The following PSMC3 variants were observed in gnomAD, a reference collection of about 807,000 sequenced individuals.
PSMC3 encodes 26S proteasome regulatory subunit 6A.
A neutral mutation model predicts 52.0 loss-of-function variants in PSMC3; 11 were observed. The observed-to-expected ratio is 0.21, with a 90% CI of 0.13 to 0.35. The LOEUF (loss-of-function observed/expected upper bound fraction) is 0.35, where lower values mean the gene tolerates loss of function less well. Ranked by LOEUF, PSMC3 falls within the 10% of genes least tolerant of loss-of-function variation. PSMC3 has a pLI of 1.00. For missense variants in PSMC3, 238 were observed against 567.1 expected, an observed-to-expected ratio of 0.42 and a Z score of 5.89; for synonymous variants, 201 against 218.8, an observed-to-expected ratio of 0.92 and a Z score of 0.72.
chr11:47,422,381 G>C lies in PSMC3; in HGVS notation c.884+193C>G, dbSNP rs946010346. ...GAAAGGAACATGCTGGCAGCTGTGG[G>C]AATGAATGGCTGGGGAAACAGGGAG... On this transcript the variant is annotated intron_variant, in intron 8 of 11. Transcript: ENST00000298852. This position sits in a 1 kb window ranked among gnomAD's most constrained non-coding sequence, Gnocchi z 4.3. 6.6e-6 allele frequency among the ~76,000 whole-genome samples: 1 copy of C among 152,186 alleles called. No individual in the cohort carries two copies. The highest frequency in any genetic ancestry group is 1.5e-5 in the Non-Finnish European group (1 of 68,032).
chr11:47,425,052 A>G, intron 3 of PSMC3, 69 bp downstream of exon 3: 1 of 1,601,172 alleles, frequency 6.2e-7, no homozygotes, highest in East Asian at 2.2e-5. Flanking sequence ...CTCTTTCCCT[A>G]GTGGCCCCAC....
chr11:47,425,396 TCCA>T, intron 2 of PSMC3, 150 bp from the exon 3 acceptor site: 1 of 933,556 alleles, frequency 1.1e-6, no homozygotes, highest in Non-Finnish European at 1.6e-6. Context: ...TCTGACTGTG[TCCA>T]CATCCTGCAG....
chr11:47,419,053 A>G, intron 11 of PSMC3, 63 bp downstream of exon 11: 1 of 1,602,738 alleles, frequency 6.2e-7, no homozygotes, highest in Admixed American at 1.7e-5. Flanking sequence ...AAATGCCCCC[A>G]TCCTGTCCAG....
At chr11:47,421,249 CAAAAAAAAA>C (rs56344837) in intron 8 of PSMC3, among the ~76,000 whole-genome samples, 14 of 61,408 alleles carry the variant, frequency 2.3e-4, no homozygotes, top group South Asian at 1.9e-3. Flanking sequence ...GACTCCATCT[CAAAAAAAAA>C]AAAAAAAAAA....
At position 47,424,329 on chromosome 11, in the gene PSMC3, A is replaced by G. The variant is rs1001778455; in HGVS notation, c.453+100T>C. On this transcript the variant is annotated intron_variant, in intron 5 of 11. Coordinates refer to ENST00000298852, the MANE Select transcript of PSMC3 (RefSeq NM_002804.5). This position sits in a 1 kb window ranked among gnomAD's most constrained non-coding sequence, Gnocchi z 4.8. ...AGTAGACAGAATCCCAGACTCTCGG[A>G]GCTGTTCTGCCAAGATTCAGAGCCA... 1.9e-6 allele frequency: 3 copies of G among 1,557,710 alleles called. No individual in the cohort carries two copies. The Admixed American group carries it at 5.1e-5, about 26-fold the overall frequency.
At chr11:47,419,282 C>T in intron 10 of PSMC3, 85 bp from the exon 11 acceptor site, 1 of 1,436,612 alleles carries the variant, frequency 7.0e-7, no homozygotes, top group Admixed American at 1.7e-5. Context: ...CCCCGTCAAG[C>T]AACAAAGTCA....
In PSMC3 at chr11:47,422,740, T is replaced by C; in HGVS notation, c.736-18A>G. ...AAGGTGGCCTGGCAGGAAAAGGTGGTAGAGTCAGGTCAAAGGCAGACCCTT... is the reference window on the plus strand; with the variant it reads ...AAGGTGGCCTGGCAGGAAAAGGTGGCAGAGTCAGGTCAAAGGCAGACCCTT... On this transcript the variant is annotated intron_variant, in intron 7 of 11. Transcript: ENST00000298852. This position sits in a 1 kb window ranked among gnomAD's most constrained non-coding sequence, Gnocchi z 4.3. The C allele has an allele frequency of 6.2e-7, 1 of 1,614,008 alleles. No homozygotes were observed. Among genetic ancestry groups the C allele is most frequent in the East Asian group, 2.2e-5 (1 of 44,866 alleles).
Position 47,426,208 on chromosome 11 carries a change from G to A in PSMC3, c.72C>T (p.Ala24=), listed in dbSNP as rs546170182. 3.3e-5 allele frequency: 51 copies of A among 1,558,536 alleles called. 1 individual carries two copies. In the South Asian group the frequency reaches 5.3e-4, roughly 16 times the overall value. ...CGCCAGCTCGCCCGGTGCCCACCTC[G>A]GCCTCATCCCACACGGTCGCCATCT... The part of the protein sequence containing the change: ...QEKMATVWDE[A]EQDGIGEEVL... Residue 24 remains alanine, a synonymous_variant, in exon 1 of 12, where the codon GCC becomes GCT. Coordinates refer to ENST00000298852, the MANE Select transcript of PSMC3 (RefSeq NM_002804.5).
At chr11:47,420,552 C>T (rs1393076824) in intron 9 of PSMC3, 79 bp downstream of exon 9, 13 of 1,505,276 alleles carry the variant, frequency 8.6e-6, no homozygotes, top group Non-Finnish European at 1.2e-5. Flanking sequence ...CATTCCAGCT[C>T]CACCACTGGC....
chr11:47,421,253 A>G (rs1447155436), intron 8 of PSMC3, among the ~76,000 whole-genome samples: 1 of 137,054 alleles, frequency 7.3e-6, no homozygotes, highest in Non-Finnish European at 1.6e-5. Context: ...CCATCTCAAA[A>G]AAAAAAAAAA....
chr11:47,425,172 C>T lies in PSMC3; in HGVS notation c.234G>A (p.Glu78=), dbSNP rs1388421059. The T allele has an allele frequency of 3.7e-6, 6 of 1,614,070 alleles. No homozygotes were observed. The highest frequency in any genetic ancestry group is 5.1e-6 in the Non-Finnish European group (6 of 1,180,042). Residue 78 remains glutamate, a synonymous_variant, in exon 3 of 12, where the codon GAG becomes GAA. Coordinates refer to ENST00000298852, the MANE Select transcript of PSMC3 (RefSeq NM_002804.5). Reference sequence around the variant, plus strand: ...GCAGGGTCTTGTTCACTTTGATTTTCTCACTGTTCTCTTTTATCTTGTCCT... The same window carrying T: ...GCAGGGTCTTGTTCACTTTGATTTTTTCACTGTTCTCTTTTATCTTGTCCT... ...AMKDKIKENS[E]KIKVNKTLPY...
chr11:47,426,429 G>C lies in PSMC3; in HGVS notation c.-150C>G, dbSNP rs2096046642. 7.9e-6 allele frequency: 5 copies of C among 631,828 alleles called. No homozygotes were observed. In the Admixed American group the frequency reaches 1.1e-4, roughly 14 times the overall value. The allele number at this position is 631,828 out of a possible 1,614,324, so 39.1% of individuals were successfully genotyped here. A position where few individuals can be genotyped will look rare whatever the true frequency, so the allele number is the denominator to read the frequency against. On this transcript the variant is annotated 5_prime_UTR_variant, in exon 1 of 12. Transcript: ENST00000298852. The stretch of plus-strand genomic sequence containing the variant: ...CGACCAGCTCCGGCCGTGCTGCGGA[G>C]CAGCGAATCTGCCTCTCCGATTCCA...
At chr11:47,419,074 A>G (rs779843441) in intron 11 of PSMC3, 42 bp downstream of exon 11, 2 of 1,612,278 alleles carry the variant, frequency 1.2e-6, no homozygotes, top group South Asian at 1.1e-5. Flanking sequence ...GGAGGGGGCA[A>G]GAAGGCACAA....
chr11:47,422,757 C>A lies in PSMC3; in HGVS notation c.736-35G>T. 6.2e-7 allele frequency: 1 copy of A among 1,612,954 alleles called. No homozygotes were observed. The highest frequency in any genetic ancestry group is 8.5e-7 in the Non-Finnish European group (1 of 1,179,224). ...AAAGGTGGTAGAGTCAGGTCAAAGGCAGACCCTTTGAGCCCATCTGGTAGA... is the reference window on the plus strand; with the variant it reads ...AAAGGTGGTAGAGTCAGGTCAAAGGAAGACCCTTTGAGCCCATCTGGTAGA... On this transcript the variant is annotated intron_variant, in intron 7 of 11. Transcript: ENST00000298852. The surrounding 1 kb of genome is among the most constrained non-coding windows in gnomAD (Gnocchi z 4.3).
chr11:47,420,642 T>G lies in PSMC3; in HGVS notation c.970A>C (p.Thr324Pro). Residue 324 changes from threonine (T) to proline (P), a missense_variant, in exon 9 of 12, where the codon ACC (threonine) becomes CCC (proline). Transcript: ENST00000298852. ...GTGCTAATACTCACCTTAACTTGGG[T>G]GTTGGGCTGGAAGCCATCCAGCTGG... Reference protein sequence around the residue: ...LNQLDGFQPNTQVKVIAATNR... With the variant: ...LNQLDGFQPNPQVKVIAATNR... 1 of 1,552,396 alleles carries G rather than the reference T, an allele frequency of 6.4e-7. No homozygotes were observed. The highest frequency in any genetic ancestry group is 8.7e-7 in the Non-Finnish European group (1 of 1,147,272).
chr11:47,424,829 C>G lies in PSMC3; in HGVS notation c.286-118G>C. 1 of 970,080 alleles carries G rather than the reference C, an allele frequency of 1.0e-6. No individual in the cohort carries two copies. The highest frequency in any genetic ancestry group is 1.6e-6 in the Non-Finnish European group (1 of 628,298). 60.1% of individuals were successfully genotyped at this position (970,080 alleles called of 1,614,324 possible). A position where few individuals can be genotyped will look rare whatever the true frequency, so the allele number is the denominator to read the frequency against. ...CCTCCCTCCTCCAATAGCCCTGAGC[C>G]CACCAAACGTGGGTGCCCCTGCTAA... On this transcript the variant is annotated intron_variant, in intron 3 of 11. Transcript: ENST00000298852. The surrounding 1 kb of genome is among the most constrained non-coding windows in gnomAD (Gnocchi z 4.8).
chr11:47,423,953 G>A (rs1422303180), intron 6 of PSMC3, 93 bp downstream of exon 6: 7 of 1,562,032 alleles, frequency 4.5e-6, no homozygotes, highest in Non-Finnish European at 6.1e-6. Context: ...TTGCTATGAG[G>A]ATGAAAGACA....
Position 47,424,552 on chromosome 11 carries a change from G to A in PSMC3, c.390+55C>T, listed in dbSNP as rs1326386948. 1.2e-6 allele frequency: 2 copies of A among 1,605,328 alleles called. No homozygotes were observed. The highest frequency in any genetic ancestry group is 1.7e-6 in the Non-Finnish European group (2 of 1,172,094). On this transcript the variant is annotated intron_variant, in intron 4 of 11. Coordinates refer to ENST00000298852, the MANE Select transcript of PSMC3 (RefSeq NM_002804.5). This position sits in a 1 kb window ranked among gnomAD's most constrained non-coding sequence, Gnocchi z 4.8. ...TCCTCAGGGAAGGCTCCCTAGTCCTGTCCCACATCCGCTCCTCACCCTCCT... is the reference window on the plus strand; with the variant it reads ...TCCTCAGGGAAGGCTCCCTAGTCCTATCCCACATCCGCTCCTCACCCTCCT...
At chr11:47,419,763 G>A (rs1274727722) in intron 10 of PSMC3, among the ~76,000 whole-genome samples, 2 of 152,058 alleles carry the variant, frequency 1.3e-5, no homozygotes, top group Non-Finnish European at 2.9e-5. Context: ...GGAGGCTGAG[G>A]CAGGAGAATG....
Sources: gnomAD v4.1 joint callset for allele counts (sites outside exome capture counted in the v4.1 genomes callset) on GRCh38, gnomAD v4.1.1 for gene constraint, Gnocchi (gnomAD v3.1) non-coding constraint, MANE v1.5 for transcripts, NCBI Gene and HGNC (gene_info 2026-07-23, HGNC 2026-07-21) for gene names.